Variants in SLAMF1 observed in about 807,000 individuals in gnomAD.
SLAMF1 encodes the protein signaling lymphocytic activation molecule family member 1, also known as signaling lymphocytic activation molecule.
SLAMF1 carries 18 observed loss-of-function variants against 35.1 expected under a neutral mutation model. That is an observed-to-expected ratio of 0.51 (90% CI 0.35 to 0.76). The LOEUF (loss-of-function observed/expected upper bound fraction) is 0.76, where lower values mean the gene tolerates loss of function less well. Ranked by LOEUF, SLAMF1 falls within the 30% of genes least tolerant of loss-of-function variation. The pLI is 0.01. For missense variants in SLAMF1, 392 were observed against 413.0 expected, an observed-to-expected ratio of 0.95 and a Z score of 0.44; for synonymous variants, 168 against 157.2, an observed-to-expected ratio of 1.07 and a Z score of -0.51.
At chr1:160,625,881 G>A (rs1230078517) in intron 3 of SLAMF1, among the ~76,000 whole-genome samples, 1 of 150,150 alleles carries the variant, frequency 6.7e-6, no homozygotes, top group African/African-American at 2.5e-5. Flanking sequence ...GTTTGAGACA[G>A]ATTGATTCAT....
intron 3 of SLAMF1, among the ~76,000 whole-genome samples, chr1:160,629,774 G>A (rs1442652159): frequency 6.6e-6 from 1 of 152,204 alleles, no homozygotes; most frequent in Non-Finnish European, 1.5e-5. Context: ...ATGTGTCTCA[G>A]CTTCCCTTAT....
intron 4 of SLAMF1, among the ~76,000 whole-genome samples, chr1:160,623,298 C>T (rs777989094): frequency 2.0e-5 from 3 of 152,192 alleles, no homozygotes; most frequent in Non-Finnish European, 4.4e-5. Flanking sequence ...ACCCATCCCT[C>T]CTACCTGGCT....
At chr1:160,634,559 A>G in intron 3 of SLAMF1, 54 bp downstream of exon 3, 2 of 1,513,314 alleles carry the variant, frequency 1.3e-6, no homozygotes, top group Non-Finnish European at 1.8e-6. Flanking sequence ...GACCATGTGA[A>G]GACTGAGCCC....
chr1:160,635,233 T>C (rs970806079), intron 2 of SLAMF1, among the ~76,000 whole-genome samples: 16 of 152,244 alleles, frequency 1.1e-4, no homozygotes, highest in African/African-American at 2.9e-4. Flanking sequence ...TAATCCACCA[T>C]GGTTTTTAGT....
intron 1 of SLAMF1, among the ~76,000 whole-genome samples, chr1:160,644,558 G>A (rs1426183991): frequency 6.6e-6 from 1 of 152,142 alleles, no homozygotes; most frequent in African/African-American, 2.4e-5. Context: ...TCAGGTGCTG[G>A]GCAGTGGCTG....
At position 160,646,925 on chromosome 1, in the gene SLAMF1, G is replaced by A; in HGVS notation, c.21C>T (p.Leu7=). The A allele has an allele frequency of 6.2e-7, 1 of 1,604,876 alleles. No individual in the cohort carries two copies. Among genetic ancestry groups the A allele is most frequent in the Non-Finnish European group, 8.5e-7 (1 of 1,172,284 alleles). ...AGAGAAACAGCACGAAGGTCAAGGA[G>A]AGGAGCCCCTTGGGATCCATCAGCC... MDPKGL[L]SLTFVLFLSL... is the part of the protein sequence containing the mutation. Residue 7 remains leucine (L), a synonymous_variant, in exon 1 of 7, where the codon CTC becomes CTT. Transcript: ENST00000302035.
rs886314535 is a variant in SLAMF1 at position 160,608,484 on chromosome 1, C to T, written c.*2264G>A. On this transcript the variant is annotated 3_prime_UTR_variant, in exon 7 of 7. Transcript: ENST00000302035. The stretch of plus-strand genomic sequence containing the variant: ...AAACTAGAGAGTTGTGAATGTATCA[C>T]CAGAAGGGGTTGTTTTACCACGTGT... The T allele has an allele frequency of 7.9e-5, 12 of 152,240 alleles. No individual in the cohort carries two copies. Among genetic ancestry groups the T allele is most frequent in the African/African-American group, 2.9e-4 (12 of 41,450 alleles). 9.4% of individuals were successfully genotyped at this position (152,240 alleles called of 1,614,324 possible).
At chr1:160,630,757 C>T (rs1482361451) in intron 3 of SLAMF1, among the ~76,000 whole-genome samples, 1 of 152,152 alleles carries the variant, frequency 6.6e-6, no homozygotes, top group Non-Finnish European at 1.5e-5. Flanking sequence ...CTTTGAAAAG[C>T]AAGACTGATG....
chr1:160,626,788 C>A (rs1397691006), intron 3 of SLAMF1, among the ~76,000 whole-genome samples: 1 of 152,132 alleles, frequency 6.6e-6, no homozygotes, highest in Non-Finnish European at 1.5e-5. Flanking sequence ...GCCCTCTGAG[C>A]AGCCAACCCA....
At position 160,634,716 on chromosome 1, in the gene SLAMF1, G is replaced by A. The variant is rs1660337629; in HGVS notation, c.597C>T (p.Gly199=). 6.2e-7 allele frequency: 1 copy of A among 1,614,174 alleles called. No individual in the cohort carries two copies. The highest frequency in any genetic ancestry group is 8.5e-7 in the Non-Finnish European group (1 of 1,180,014). ...NSSHLLSLTL[G]PQHADNIYIC... is the part of the protein sequence containing the mutation. The stretch of plus-strand genomic sequence containing the variant: ...TGTAGATATTGTCAGCATGCTGGGG[G>A]CCGAGGGTGAGGGACAGGAGGTGGG... The change falls in exon 3 of 7, where the codon GGC becomes GGT. Residue 199 remains glycine (G), a synonymous_variant. Transcript: ENST00000302035.
chr1:160,645,551 C>A (rs1450390980), intron 1 of SLAMF1, among the ~76,000 whole-genome samples: 3 of 152,188 alleles, frequency 2.0e-5, no homozygotes, highest in East Asian at 1.9e-4. Flanking sequence ...ATGGAAAAGT[C>A]CAGTTCACAG....
In SLAMF1 at chr1:160,637,146, G is replaced by A. The variant is rs573499985; in HGVS notation, c.415+45C>T. 8 of 1,350,454 alleles carry A rather than the reference G, an allele frequency of 5.9e-6. No individual in the cohort carries two copies. In the South Asian group the frequency reaches 9.4e-5, roughly 16 times the overall value. 83.7% of individuals were successfully genotyped at this position (1,350,454 alleles called of 1,614,324 possible). On this transcript the variant is annotated intron_variant, in intron 2 of 6. Coordinates refer to ENST00000302035, the MANE Select transcript of SLAMF1 (RefSeq NM_003037.5). ...GAGACCTAAATTCTTGGTCAAAGGA[G>A]CACCTTGGCCCTTTAGTGTGGACTG...
intron 3 of SLAMF1, among the ~76,000 whole-genome samples, chr1:160,630,124 G>A (rs1660090371): frequency 6.6e-6 from 1 of 152,086 alleles, no homozygotes; most frequent in African/African-American, 2.4e-5. Context: ...CTTCATTCTA[G>A]CACAGCCATA....
Position 160,647,023 on chromosome 1 carries a change from T to C in SLAMF1, c.-78A>G. On this transcript the variant is annotated 5_prime_UTR_variant, in exon 1 of 7. Transcript: ENST00000302035. ...AGATGCCAGGCAGAAGCAAGCTTCG[T>C]GTCATGCAGCAGAGGCTGTCTGATT... 1.3e-6 allele frequency: 1 copy of C among 764,244 alleles called. No homozygotes were observed. Among genetic ancestry groups the C allele is most frequent in the Non-Finnish European group, 2.3e-6 (1 of 427,286 alleles). 47.3% of individuals were successfully genotyped at this position (764,244 alleles called of 1,614,324 possible).
Position 160,646,912 on chromosome 1 carries a change from C to G in SLAMF1, c.34G>C (p.Val12Leu), listed in dbSNP as rs376425914. The G allele has an allele frequency of 1.9e-6, 3 of 1,608,990 alleles. No homozygotes were observed. The highest frequency in any genetic ancestry group is 2.2e-5 in the South Asian group (2 of 90,882). The change falls in exon 1 of 7, where the codon GTG (valine) becomes CTG (leucine). Residue 12 changes from valine (V) to leucine (L), a missense_variant. Coordinates refer to ENST00000302035, the MANE Select transcript of SLAMF1 (RefSeq NM_003037.5). ...DPKGLLSLTF[V>L]LFLSLAFGAS... ...CCAAAAGCCAGGGAGAGAAACAGCA[C>G]GAAGGTCAAGGAGAGGAGCCCCTTG...
intron 5 of SLAMF1, among the ~76,000 whole-genome samples, chr1:160,617,026 C>T (rs771275809): frequency 1.3e-5 from 2 of 151,942 alleles, no homozygotes; most frequent in East Asian, 3.9e-4. Context: ...TGTGGTGGTG[C>T]GTACCTGTAA....
At position 160,634,836 on chromosome 1, in the gene SLAMF1, G is replaced by C; in HGVS notation, c.477C>G (p.Thr159=). The C allele has an allele frequency of 6.2e-7, 1 of 1,614,126 alleles. No individual in the cohort carries two copies. The highest frequency in any genetic ancestry group is 8.5e-7 in the Non-Finnish European group (1 of 1,180,014). The stretch of plus-strand genomic sequence containing the variant: ...TCTCCACTGTGCAGCCCAGTATCAA[G>C]GTGCAGGTCCCGTTCTCCTGGGTCT... ...LNKTQENGTC[T]LILGCTVEKG... is the part of the protein sequence containing the mutation. The change falls in exon 3 of 7, where the codon ACC becomes ACG. Residue 159 remains threonine (T), a synonymous_variant. Transcript: ENST00000302035.
intron 4 of SLAMF1, among the ~76,000 whole-genome samples, chr1:160,620,642 A>G (rs1422367388): frequency 6.6e-6 from 1 of 152,152 alleles, no homozygotes; most frequent in Non-Finnish European, 1.5e-5. Context: ...AACCAACCCA[A>G]TTTCATTCCC....
intron 5 of SLAMF1, among the ~76,000 whole-genome samples, chr1:160,617,706 C>T (rs1659381707): frequency 6.6e-6 from 1 of 152,132 alleles, no homozygotes; most frequent in Non-Finnish European, 1.5e-5. Flanking sequence ...TGGGAAGTGG[C>T]ACAGGAGGCC....
Sources: allele counts gnomAD v4.1 joint callset (sites outside exome capture counted in the v4.1 genomes callset), GRCh38; gene constraint gnomAD v4.1.1; transcripts MANE v1.5; gene names NCBI Gene and HGNC (gene_info 2026-07-23, HGNC 2026-07-21).